The following MYRIP variants were observed in gnomAD, a reference collection of about 807,000 sequenced individuals.
The protein encoded by MYRIP is myosin VIIA and Rab interacting protein.
In MYRIP, 49 loss-of-function variants were observed where a neutral mutation model predicts 98.0. That is an observed-to-expected ratio of 0.50 (90% CI 0.40 to 0.63). The LOEUF (loss-of-function observed/expected upper bound fraction) is 0.63, where lower values mean the gene tolerates loss of function less well. Among genes scored for constraint, MYRIP ranks in the 30% least tolerant of loss-of-function variants. MYRIP has a pLI of 0.00. For missense variants in MYRIP, 1,004 were observed against 1,058.2 expected, an observed-to-expected ratio of 0.95 and a Z score of 0.71; for synonymous variants, 404 against 409.5, an observed-to-expected ratio of 0.99 and a Z score of 0.16.
At chr3:40,153,356 T>G (rs1235454310) in intron 4 of MYRIP, among the ~76,000 whole-genome samples, 1 of 152,224 alleles carries the variant, frequency 6.6e-6, no homozygotes, top group Non-Finnish European at 1.5e-5. Flanking sequence ...TAGAGAAATC[T>G]TCCAGGGCCT....
At chr3:40,225,629 C>G (rs1479324837) in intron 11 of MYRIP, among the ~76,000 whole-genome samples, 1 of 152,182 alleles carries the variant, frequency 6.6e-6, no homozygotes, top group African/African-American at 2.4e-5. Context: ...CCACAGTTTT[C>G]TTGTCTCTAA....
chr3:39,991,635 G>A (rs1559551391), intron 2 of MYRIP, among the ~76,000 whole-genome samples: 1 of 152,116 alleles, frequency 6.6e-6, no homozygotes, highest in Non-Finnish European at 1.5e-5. Flanking sequence ...TTGCACAGGT[G>A]TTCCCTCTTC....
intron 1 of MYRIP, among the ~76,000 whole-genome samples, chr3:39,819,945 G>A (rs1941054260): frequency 6.6e-6 from 1 of 151,992 alleles, no homozygotes; most frequent in Non-Finnish European, 1.5e-5. Flanking sequence ...CATCATCTGG[G>A]GCAAGAAAAA....
rs1243621602 is a variant in MYRIP at position 39,838,125 on chromosome 3, T to C, written c.-31+28209T>C. 2.0e-5 allele frequency among the ~76,000 whole-genome samples: 3 copies of C among 152,214 alleles called. No individual in the cohort carries two copies. In the East Asian group the frequency reaches 5.8e-4, roughly 29 times the overall value. ...GTTTTTGGCCTGAGACAGTGGGGTT[T>C]TCTAAATATACAATCATGTCATCTG... On this transcript the variant is annotated intron_variant, in intron 1 of 16. Transcript: ENST00000302541.
At chr3:40,106,558 T>A (rs370138046) in intron 3 of MYRIP, among the ~76,000 whole-genome samples, 2 of 152,166 alleles carry the variant, frequency 1.3e-5, no homozygotes, top group South Asian at 2.1e-4. Flanking sequence ...GAATTTTATA[T>A]ATTCTTTCAT....
chr3:40,001,796 G>C (rs1946524958), intron 2 of MYRIP, among the ~76,000 whole-genome samples: 2 of 152,214 alleles, frequency 1.3e-5, no homozygotes, highest in South Asian at 4.1e-4. Context: ...TGCAATAAGA[G>C]ATGATGGCAG....
intron 3 of MYRIP, among the ~76,000 whole-genome samples, chr3:40,074,609 G>GA (rs960697623): frequency 1.1e-4 from 16 of 151,912 alleles, no homozygotes; most frequent in Non-Finnish European, 1.3e-4. Context: ...AAGGAAAGCA[G>GA]AAAAAATGAA....
At position 40,212,233 on chromosome 3, in the gene MYRIP, C is replaced by T. The variant is rs1275811797; in HGVS notation, c.1905+2140C>T. On this transcript the variant is annotated intron_variant, in intron 11 of 16. Coordinates refer to ENST00000302541, the MANE Select transcript of MYRIP (RefSeq NM_015460.4). ...GTGTGTATATATATATATACACACA[C>T]ACACACACACACATATATATATATA... Among the ~76,000 whole-genome samples, 105 of 45,574 alleles carry T rather than the reference C, an allele frequency of 2.3e-3. 30 individuals carry two copies. Among genetic ancestry groups the T allele is most frequent in the Middle Eastern group, 0.017 (2 of 116 alleles). 29.9% of individuals were successfully genotyped at this position (45,574 alleles called of 152,430 possible). A position where few individuals can be genotyped will look rare whatever the true frequency, so the allele number is the denominator to read the frequency against.
At chr3:40,217,559 T>C (rs568827201) in intron 11 of MYRIP, among the ~76,000 whole-genome samples, 6 of 152,164 alleles carry the variant, frequency 3.9e-5, no homozygotes, top group Non-Finnish European at 8.8e-5. Context: ...GAAGAATGAA[T>C]TTCAAACAGC....
rs1945002369 is a variant in MYRIP, at chr3:39,951,082, GAAC to G, written c.110+50162_110+50164del. Among the ~76,000 whole-genome samples the G allele has an allele frequency of 3.9e-5, 6 of 152,274 alleles. No homozygotes were observed. The South Asian group carries it at 1.2e-3, about 32-fold the overall frequency. ...ATGGGTCCCTTCTCTTCAGGAGACA[GAAC>G]AACAAGAAGTTTTGTCACAGATAAG... is the stretch of plus-strand genomic sequence containing the variant. On this transcript the variant is annotated intron_variant, in intron 2 of 16. Coordinates refer to ENST00000302541, the MANE Select transcript of MYRIP (RefSeq NM_015460.4).
At chr3:39,891,435 G>A (rs575973957) in intron 1 of MYRIP, among the ~76,000 whole-genome samples, 100 of 152,130 alleles carry the variant, frequency 6.6e-4, no homozygotes, top group African/African-American at 2.2e-3. Context: ...CCAGGGAATA[G>A]GTGTACCACA....
chr3:39,852,508 T>C (rs1410478175), intron 1 of MYRIP, among the ~76,000 whole-genome samples: 3 of 152,156 alleles, frequency 2.0e-5, no homozygotes, highest in Non-Finnish European at 2.9e-5. Flanking sequence ...TACACTGTAC[T>C]GAATGTGTAG....
At chr3:40,065,161 G>C (rs1440355324) in intron 3 of MYRIP, among the ~76,000 whole-genome samples, 1 of 152,112 alleles carries the variant, frequency 6.6e-6, no homozygotes, top group African/African-American at 2.4e-5. Context: ...GACAACCTTT[G>C]GTGCTCCTTT....
Position 40,189,878 on chromosome 3 carries a change from T to A in MYRIP, c.1080T>A (p.Asp360Glu). The A allele has an allele frequency of 1.9e-6, 3 of 1,614,152 alleles. No homozygotes were observed. The highest frequency in any genetic ancestry group is 2.5e-6 in the Non-Finnish European group (3 of 1,180,020). Residue 360 changes from aspartate to glutamate, a missense_variant, in exon 10 of 17, where the codon GAT becomes GAA. Asp to Glu is a conservative substitution (Grantham distance 45). Transcript: ENST00000302541. ...SPDGNWVALK[D>E]GAPPPTRLLA... ...ACGGGAACTGGGTGGCCCTGAAGGA[T>A]GGCGCTCCACCCCCCACCCGACTAC...
intron 13 of MYRIP, among the ~76,000 whole-genome samples, chr3:40,246,027 G>T (rs940515012): frequency 6.6e-6 from 1 of 150,476 alleles, no homozygotes; most frequent in Admixed American, 6.7e-5. Flanking sequence ...CTCCCAAACT[G>T]CTGGGATTAC....
intron 3 of MYRIP, among the ~76,000 whole-genome samples, chr3:40,117,843 GA>G (rs1194841522): frequency 6.6e-6 from 1 of 152,020 alleles, no homozygotes; most frequent in African/African-American, 2.4e-5. Context: ...ATACAAAGAA[GA>G]AATCATGAGA....
intron 1 of MYRIP, among the ~76,000 whole-genome samples, chr3:39,829,471 G>T (rs1941371926): frequency 6.6e-6 from 1 of 152,116 alleles, no homozygotes; most frequent in South Asian, 2.1e-4. Flanking sequence ...TGTAGTTCCT[G>T]TTCTGTTTTT....
At chr3:40,202,920 T>C (rs1951610832) in intron 10 of MYRIP, among the ~76,000 whole-genome samples, 1 of 151,046 alleles carries the variant, frequency 6.6e-6, no homozygotes, top group Admixed American at 6.6e-5. Context: ...TTTATTTATT[T>C]ATTTATTTAT....
chr3:40,205,229 T>C (rs933276259), intron 10 of MYRIP, among the ~76,000 whole-genome samples: 2 of 152,132 alleles, frequency 1.3e-5, no homozygotes, highest in Non-Finnish European at 2.9e-5. Flanking sequence ...GAAGGAGAAG[T>C]GAAATTCGTC....
Sources: gnomAD v4.1 joint callset for allele counts (sites outside exome capture counted in the v4.1 genomes callset) on GRCh38, gnomAD v4.1.1 for gene constraint, MANE v1.5 for transcripts, NCBI Gene and HGNC (gene_info 2026-07-23, HGNC 2026-07-21) for gene names.